Variants in REPS1 observed in about 807,000 individuals in gnomAD.
REPS1 encodes the protein RALBP1 associated Eps domain containing 1.
A neutral mutation model predicts 100.9 loss-of-function variants in REPS1; 39 were observed. The observed-to-expected ratio is 0.39, with a 90% CI of 0.30 to 0.50. The LOEUF (loss-of-function observed/expected upper bound fraction) is 0.50, where lower values mean the gene tolerates loss of function less well. Among genes scored for constraint, REPS1 ranks in the 20% least tolerant of loss-of-function variants. The probability of loss-of-function intolerance (pLI) is 0.86; values close to 1 mark genes in which losing one functional copy is unlikely to be tolerated. For missense variants in REPS1, 821 were observed against 968.5 expected (o/e 0.85, Z 2.02); for synonymous variants, 324 against 340.3 (o/e 0.95, Z 0.53).
chr6:138,941,303 T>G (rs756732716), intron 8 of REPS1, 32 bp downstream of exon 8: 9 of 1,609,174 alleles, frequency 5.6e-6, no homozygotes, highest in African/African-American at 1.3e-5. Flanking sequence ...TATCAAGGCA[T>G]GCAAACAGCT....
chr6:138,975,258 G>A (rs1442703244), intron 1 of REPS1, among the ~76,000 whole-genome samples: 2 of 152,026 alleles, frequency 1.3e-5, no homozygotes, highest in Non-Finnish European at 2.9e-5. Flanking sequence ...CCATTCTATA[G>A]GCTCAAAACC....
chr6:138,906,610 T>C (rs2128421028), intron 19 of REPS1, among the ~76,000 whole-genome samples: 1 of 152,362 alleles, frequency 6.6e-6, no homozygotes, highest in East Asian at 1.9e-4. Context: ...TAATAAATGC[T>C]AAATGAGGAG....
intron 19 of REPS1, 32 bp downstream of exon 19, chr6:138,907,463 G>A (rs1309901133): frequency 6.2e-6 from 9 of 1,462,938 alleles, no homozygotes; most frequent in Non-Finnish European, 7.7e-6. Flanking sequence ...ACTAAGATAA[G>A]GAACATTATA....
Position 138,987,719 on chromosome 6 carries a change from C to T in REPS1, c.-37G>A. ...GCTCACGGCCGCCCCGCCCCGCATG[C>T]ACTACTCGGGGCCCGGCCCCAGGAA... On this transcript the variant is annotated 5_prime_UTR_variant, in exon 1 of 20. Transcript: ENST00000450536. The T allele has an allele frequency of 1.3e-6, 2 of 1,510,918 alleles. No homozygotes were observed. The highest frequency in any genetic ancestry group is 1.3e-5 in the South Asian group (1 of 79,358). 93.6% of individuals were successfully genotyped at this position (1,510,918 alleles called of 1,614,324 possible). A position where few individuals can be genotyped will look rare whatever the true frequency, so the allele number is the denominator to read the frequency against.
chr6:138,938,745 G>T (rs1021652640), intron 8 of REPS1, among the ~76,000 whole-genome samples: 8 of 152,100 alleles, frequency 5.3e-5, no homozygotes, highest in Admixed American at 3.3e-4. Flanking sequence ...AGTCAGAAAG[G>T]CTCCACAGAG....
chr6:138,915,111 C>G, intron 14 of REPS1: 1 of 223,744 alleles, frequency 4.5e-6, no homozygotes. Context: ...TAACACTTCA[C>G]TTTTCCTCAC....
chr6:138,945,145 G>C, intron 4 of REPS1, 74 bp downstream of exon 4: 1 of 1,315,158 alleles, frequency 7.6e-7, no homozygotes, highest in Non-Finnish European at 1.0e-6. Context: ...GAGGCAGGAG[G>C]ATCATTTGAA....
chr6:138,958,468 A>G lies in REPS1; in HGVS notation c.154-10555T>C, dbSNP rs955877498. 7.3e-5 allele frequency among the ~76,000 whole-genome samples: 11 copies of G among 151,472 alleles called. No individual in the cohort carries two copies. The South Asian group carries it at 1.3e-3, about 17-fold the overall frequency. On this transcript the variant is annotated intron_variant, in intron 1 of 19. Coordinates refer to ENST00000450536, the MANE Select transcript of REPS1 (RefSeq NM_001286611.2). Reference sequence around the variant, plus strand: ...TGTGCCATGGTGGTTTGCTGCACCTATTGACCTGTCCTCTAAGTTACCTCC... The same window carrying G: ...TGTGCCATGGTGGTTTGCTGCACCTGTTGACCTGTCCTCTAAGTTACCTCC...
intron 1 of REPS1, among the ~76,000 whole-genome samples, chr6:138,961,986 G>A (rs1783768184): frequency 6.6e-6 from 1 of 152,178 alleles, no homozygotes; most frequent in African/African-American, 2.4e-5. Flanking sequence ...CTTGCCTAAT[G>A]ACACCATGAA....
intron 1 of REPS1, among the ~76,000 whole-genome samples, chr6:138,958,560 C>T (rs1053580835): frequency 5.3e-5 from 8 of 152,096 alleles, no homozygotes; most frequent in Admixed American, 1.3e-4. Context: ...TGTGTTCTCA[C>T]GGTTCAACTC....
chr6:138,945,556 T>C lies in REPS1; in HGVS notation c.419A>G (p.Lys140Arg). 14 of 1,612,324 alleles carry C rather than the reference T, an allele frequency of 8.7e-6. No homozygotes were observed. The highest frequency in any genetic ancestry group is 9.3e-6 in the Non-Finnish European group (11 of 1,179,522). The change falls in exon 3 of 20, where the codon AAA becomes AGA. Residue 140 changes from lysine to arginine, a missense_variant. Physicochemically the swap from Lys to Arg is conservative, Grantham distance 26. Coordinates refer to ENST00000450536, the MANE Select transcript of REPS1 (RefSeq NM_001286611.2). ...IPPPPGRGQV[K>R]KGSVSHDTVQ... ...CGTATCATGGCTTACGGATCCCTTT[T>C]TCACTTGCCCCCTGCCAGGTGGTGG...
chr6:138,987,801 C>G lies in REPS1; in HGVS notation c.-119G>C. The stretch of plus-strand genomic sequence containing the variant: ...CCTCCTGCTAGCTTCCCGAAAACGC[C>G]GGCCCCGGCCTCACACGCGCCAGGT... On this transcript the variant is annotated 5_prime_UTR_variant, in exon 1 of 20. Coordinates refer to ENST00000450536, the MANE Select transcript of REPS1 (RefSeq NM_001286611.2). 1 of 1,278,700 alleles carries G rather than the reference C, an allele frequency of 7.8e-7. No individual in the cohort carries two copies. Among genetic ancestry groups the G allele is most frequent in the South Asian group, 1.8e-5 (1 of 54,460 alleles). The allele number at this position is 1,278,700 out of a possible 1,614,324, so 79.2% of individuals were successfully genotyped here.
chr6:138,932,515 T>C (rs1418457172), intron 8 of REPS1, among the ~76,000 whole-genome samples: 1 of 150,672 alleles, frequency 6.6e-6, no homozygotes, highest in Non-Finnish European at 1.5e-5. Flanking sequence ...CTGATCTCAC[T>C]TATGAATGTT....
chr6:138,949,428 T>G lies in REPS1; in HGVS notation c.154-1515A>C, dbSNP rs972542346. On this transcript the variant is annotated intron_variant, in intron 1 of 19. Transcript: ENST00000450536. ...GGACTGTTAATCTTCTTTACTCATT[T>G]TAAGAAGTTTTATTGTGGCCAGGGG... Among the ~76,000 whole-genome samples the G allele has an allele frequency of 2.0e-5, 3 of 152,206 alleles. No homozygotes were observed. In the East Asian group the frequency reaches 5.8e-4, roughly 29 times the overall value.
chr6:138,915,493 C>A (rs893733619), intron 14 of REPS1, among the ~76,000 whole-genome samples: 1 of 150,622 alleles, frequency 6.6e-6, no homozygotes, highest in Non-Finnish European at 1.5e-5. Flanking sequence ...CACTCTGTCA[C>A]CCAGGCTGGA....
At chr6:138,981,334 G>A (rs1427725482) in intron 1 of REPS1, among the ~76,000 whole-genome samples, 1 of 152,064 alleles carries the variant, frequency 6.6e-6, no homozygotes, top group Non-Finnish European at 1.5e-5. Context: ...AATGAAATCT[G>A]GTATACAGTT....
In REPS1 at chr6:138,904,192, A is replaced by G. The variant is rs1223762407; in HGVS notation, c.*872T>C. 6.6e-6 allele frequency: 1 copy of G among 152,222 alleles called. No homozygotes were observed. The highest frequency in any genetic ancestry group is 1.5e-5 in the Non-Finnish European group (1 of 68,024). 9.4% of individuals were successfully genotyped at this position (152,222 alleles called of 1,614,324 possible). A position where few individuals can be genotyped will look rare whatever the true frequency, so the allele number is the denominator to read the frequency against. ...AATATTAAACAAAATCTAAAACAGC[A>G]TATTGTCCTGAATAAGGCATACTCC... On this transcript the variant is annotated 3_prime_UTR_variant, in exon 20 of 20. Coordinates refer to ENST00000450536, the MANE Select transcript of REPS1 (RefSeq NM_001286611.2).
At chr6:138,931,444 T>C (rs1242597046) in intron 8 of REPS1, among the ~76,000 whole-genome samples, 2 of 152,154 alleles carry the variant, frequency 1.3e-5, no homozygotes, top group Admixed American at 1.3e-4. Context: ...CCAAATGTCC[T>C]TTCTGCTATT....
intron 17 of REPS1, among the ~76,000 whole-genome samples, chr6:138,909,845 G>C (rs959657394): frequency 1.3e-5 from 2 of 152,106 alleles, no homozygotes; most frequent in African/African-American, 4.8e-5. Context: ...CTTTATAGCA[G>C]TGTGAAAACA....
Sources: allele counts gnomAD v4.1 joint callset (sites outside exome capture counted in the v4.1 genomes callset), GRCh38; gene constraint gnomAD v4.1.1; transcripts MANE v1.5; gene names NCBI Gene and HGNC (gene_info 2026-07-23, HGNC 2026-07-21).